Variants in TSPAN9 observed in about 807,000 individuals in gnomAD.
The protein encoded by TSPAN9 is tetraspanin-9.
In TSPAN9, 16 loss-of-function variants were observed where a neutral mutation model predicts 31.0. The ratio of observed to expected loss-of-function variants is 0.52; its 90% CI spans 0.35 to 0.78. The LOEUF is 0.78. Among genes scored for constraint, TSPAN9 ranks in the 30% least tolerant of loss-of-function variants. The probability of loss-of-function intolerance (pLI) is 0.01; values close to 1 mark genes in which losing one functional copy is unlikely to be tolerated. For missense variants in TSPAN9, 272 were observed against 312.5 expected, an observed-to-expected ratio of 0.87 and a Z score of 0.98; for synonymous variants, 145 against 121.6, an observed-to-expected ratio of 1.19 and a Z score of -1.27.
chr12:3,237,129 GGAGGGGCTGT>G (rs1001435556), intron 3 of TSPAN9, among the ~76,000 whole-genome samples: 16 of 152,202 alleles, frequency 1.1e-4, no homozygotes, highest in African/African-American at 3.9e-4. Flanking sequence ...CCAGGAGAGA[GGAGGGGCTGT>G]GAGATACATC....
chr12:3,193,535 G>A (rs1208386591), intron 2 of TSPAN9, among the ~76,000 whole-genome samples: 2 of 152,222 alleles, frequency 1.3e-5, no homozygotes, highest in Non-Finnish European at 2.9e-5. Flanking sequence ...AAGGGTCTCT[G>A]CATGGCCATG....
intron 2 of TSPAN9, among the ~76,000 whole-genome samples, chr12:3,104,396 AG>A (rs1328302317): frequency 6.6e-6 from 1 of 151,804 alleles, no homozygotes; most frequent in Non-Finnish European, 1.5e-5. Context: ...TCTGTCACCC[AG>A]GCTGGAGTCC....
At chr12:3,097,781 GTC>G (rs2098309866) in intron 2 of TSPAN9, among the ~76,000 whole-genome samples, 1 of 152,218 alleles carries the variant, frequency 6.6e-6, no homozygotes, top group South Asian at 2.1e-4. Context: ...CTCTCTGAAT[GTC>G]TCTTTCAATT....
rs1862606847 is a variant in TSPAN9, at chr12:3,268,911, GCCTGCCCTGTGTTCCTGCA to G, written c.64-9509_64-9491del. Among the ~76,000 whole-genome samples, 6 of 116,896 alleles carry G rather than the reference GCCTGCCCTGTGTTCCTGCA, an allele frequency of 5.1e-5. No homozygotes were observed. The Admixed American group carries it at 5.1e-4, about 10-fold the overall frequency. The allele number at this position is 116,896 out of a possible 152,430, so 76.7% of individuals were successfully genotyped here. ...AGCCTGCCCTCTCTGTGTTCCTGCA[GCCTGCCCTGTGTTCCTGCA>G]GCCTGCCCTCTCTGTGTTCCTGCAG... On this transcript the variant is annotated intron_variant, in intron 3 of 8. Transcript: ENST00000011898.
chr12:3,120,518 A>G (rs1258681579), intron 2 of TSPAN9, among the ~76,000 whole-genome samples: 5 of 152,106 alleles, frequency 3.3e-5, no homozygotes, highest in Non-Finnish European at 7.4e-5. Context: ...CCCTGCCCCA[A>G]ATACACGTCA....
At chr12:3,094,186 G>T (rs965051585) in intron 2 of TSPAN9, among the ~76,000 whole-genome samples, 1 of 152,118 alleles carries the variant, frequency 6.6e-6, no homozygotes. Flanking sequence ...CTCTTAAAAT[G>T]CCACAGCCTC....
chr12:3,108,317 T>C (rs747624690), intron 2 of TSPAN9, among the ~76,000 whole-genome samples: 3 of 152,226 alleles, frequency 2.0e-5, no homozygotes, highest in Non-Finnish European at 4.4e-5. Flanking sequence ...TTCCTTGATA[T>C]TTTGGCTTGG....
Position 3,183,886 on chromosome 12 carries a change from A to G in TSPAN9, c.-17-17291A>G, listed in dbSNP as rs1259878808. On this transcript the variant is annotated intron_variant, in intron 2 of 8. Transcript: ENST00000011898. ...AGTTGGGTACAATGATGTCTGCTGCAGTGACTTCCTAGGGCTTTTGTGATG... is the reference window on the plus strand; with the variant it reads ...AGTTGGGTACAATGATGTCTGCTGCGGTGACTTCCTAGGGCTTTTGTGATG... Among the ~76,000 whole-genome samples, 3 of 152,216 alleles carry G rather than the reference A, an allele frequency of 2.0e-5. No homozygotes were observed. The East Asian group carries it at 5.8e-4, about 29-fold the overall frequency.
At chr12:3,127,887 AT>A (rs1400067462) in intron 2 of TSPAN9, among the ~76,000 whole-genome samples, 6 of 152,214 alleles carry the variant, frequency 3.9e-5, no homozygotes, top group African/African-American at 1.4e-4. Context: ...CCACCTTCGT[AT>A]TAGCTGGGAC....
At chr12:3,121,547 T>G (rs1218243653) in intron 2 of TSPAN9, among the ~76,000 whole-genome samples, 5 of 142,084 alleles carry the variant, frequency 3.5e-5, no homozygotes, top group East Asian at 2.1e-4. Context: ...TTTTTTTTTT[T>G]TTTTTTTTTT....
At chr12:3,186,710 A>C in intron 2 of TSPAN9, among the ~76,000 whole-genome samples, 1 of 152,128 alleles carries the variant, frequency 6.6e-6, no homozygotes. Context: ...AGCTAATTTC[A>C]GTTGTGTTTT....
chr12:3,091,451 G>C (rs1255046687), intron 2 of TSPAN9, among the ~76,000 whole-genome samples: 3 of 152,220 alleles, frequency 2.0e-5, no homozygotes, highest in African/African-American at 7.2e-5. Flanking sequence ...GGCAGGGGAA[G>C]AGCCAGTGAT....
intron 3 of TSPAN9, among the ~76,000 whole-genome samples, chr12:3,214,295 A>T (rs981056351): frequency 6.6e-6 from 1 of 152,118 alleles, no homozygotes; most frequent in African/African-American, 2.4e-5. Flanking sequence ...TGGACCACGG[A>T]TGAGTTTCTT....
At chr12:3,234,394 C>G (rs1038086153) in intron 3 of TSPAN9, among the ~76,000 whole-genome samples, 1 of 152,144 alleles carries the variant, frequency 6.6e-6, no homozygotes, top group African/African-American at 2.4e-5. Flanking sequence ...AGGGCAGGGC[C>G]TTTGTTTCTT....
chr12:3,190,217 G>C (rs760677882), intron 2 of TSPAN9, among the ~76,000 whole-genome samples: 4 of 152,222 alleles, frequency 2.6e-5, no homozygotes, highest in Non-Finnish European at 5.9e-5. Flanking sequence ...CTGGATGTGA[G>C]GTTGCAGAGC....
chr12:3,164,945 G>A (rs1241805750), intron 2 of TSPAN9, among the ~76,000 whole-genome samples: 4 of 152,176 alleles, frequency 2.6e-5, no homozygotes, highest in Non-Finnish European at 4.4e-5. Context: ...AGCCTTGAAC[G>A]TGCGGGCTTC....
chr12:3,230,344 C>T (rs1251746542), intron 3 of TSPAN9, among the ~76,000 whole-genome samples: 1 of 152,102 alleles, frequency 6.6e-6, no homozygotes, highest in Non-Finnish European at 1.5e-5. Flanking sequence ...AAAGACAGGT[C>T]TTCCTGAGGC....
At chr12:3,260,827 G>C (rs2153978999) in intron 3 of TSPAN9, among the ~76,000 whole-genome samples, 1 of 152,342 alleles carries the variant, frequency 6.6e-6, no homozygotes, top group South Asian at 2.1e-4. Flanking sequence ...AGGACTCCCA[G>C]AGTAGAGGCA....
At chr12:3,260,108 G>A (rs1392331283) in intron 3 of TSPAN9, among the ~76,000 whole-genome samples, 1 of 152,244 alleles carries the variant, frequency 6.6e-6, no homozygotes, top group Non-Finnish European at 1.5e-5. Flanking sequence ...GGGCACGTGG[G>A]TGCAGGAGGC....
Sources: allele counts gnomAD v4.1 joint callset (sites outside exome capture counted in the v4.1 genomes callset), GRCh38; gene constraint gnomAD v4.1.1; transcripts MANE v1.5; gene names NCBI Gene and HGNC (gene_info 2026-07-23, HGNC 2026-07-21).